The following KBTBD2 variants were observed in gnomAD, a reference collection of about 807,000 sequenced individuals.
The protein encoded by KBTBD2 is kelch repeat and BTB domain containing 2.
In KBTBD2, 17 loss-of-function variants were observed where a neutral mutation model predicts 57.1. That is an observed-to-expected ratio of 0.30 (90% CI 0.20 to 0.45). KBTBD2 has a LOEUF of 0.45. KBTBD2 is among the 20% of genes least tolerant of loss of function. The pLI, the probability that KBTBD2 is intolerant of heterozygous loss-of-function variation, is 1.00. For synonymous variants in KBTBD2, 267 were observed against 262.7 expected (o/e 1.02, Z -0.16); for missense variants, 515 against 750.6 (o/e 0.69, Z 3.67).
At chr7:32,880,362 T>A (rs937935759) in intron 1 of KBTBD2, among the ~76,000 whole-genome samples, 1 of 152,166 alleles carries the variant, frequency 6.6e-6, no homozygotes, top group African/African-American at 2.4e-5. Context: ...CAGAGATTTC[T>A]CGTTCTCCGA....
At chr7:32,878,802 C>A (rs1487558495) in intron 2 of KBTBD2, among the ~76,000 whole-genome samples, 1 of 152,088 alleles carries the variant, frequency 6.6e-6, no homozygotes, top group African/African-American at 2.4e-5. Flanking sequence ...AGGAAACGTA[C>A]AACAAAGACG....
At chr7:32,885,650 T>A (rs931602165) in intron 1 of KBTBD2, among the ~76,000 whole-genome samples, 8 of 152,106 alleles carry the variant, frequency 5.3e-5, no homozygotes, top group Admixed American at 3.3e-4. Flanking sequence ...ACACTGATCA[T>A]TAGAATATAT....
At chr7:32,885,698 T>C (rs755431339) in intron 1 of KBTBD2, among the ~76,000 whole-genome samples, 10 of 152,200 alleles carry the variant, frequency 6.6e-5, no homozygotes, top group Non-Finnish European at 1.2e-4. Context: ...AAGAATTAAA[T>C]TGGAGTCATG....
Position 32,879,757 on chromosome 7 carries a change from T to C in KBTBD2, c.-153A>G. On this transcript the variant is annotated 5_prime_UTR_variant, in exon 2 of 4. Coordinates refer to ENST00000304056, the MANE Select transcript of KBTBD2 (RefSeq NM_015483.3). ...CTGACACATTCACTAATGAGTAATA[T>C]CTTGTTACACAGACTTAGAATCACT... is the stretch of plus-strand genomic sequence containing the variant. 1.6e-6 allele frequency: 1 copy of C among 625,612 alleles called. No individual in the cohort carries two copies. The highest frequency in any genetic ancestry group is 2.8e-6 in the Non-Finnish European group (1 of 358,440). The allele number at this position is 625,612 out of a possible 1,614,324, so 38.8% of individuals were successfully genotyped here.
In KBTBD2 at chr7:32,870,697, G is replaced by A. The variant is rs761645616; in HGVS notation, c.520C>T (p.His174Tyr). 1.9e-6 allele frequency: 3 copies of A among 1,614,152 alleles called. No individual in the cohort carries two copies. The African/African-American group carries it at 4.0e-5, about 22-fold the overall frequency. Residue 174 changes from histidine (H) to tyrosine (Y), a missense_variant, in exon 4 of 4, where the codon CAT (histidine) becomes TAT (tyrosine). Physicochemically the swap from His to Tyr is moderately conservative, Grantham distance 83. Coordinates refer to ENST00000304056, the MANE Select transcript of KBTBD2 (RefSeq NM_015483.3). ...YHQDAFMQLS[H>Y]DLLIDILSSD... ...CTGAGAATATCTATCAGTAGGTCAT[G>A]TGACAGCTGCATGAACGCGTCCTGA... is the stretch of plus-strand genomic sequence containing the variant.
chr7:32,880,069 G>A (rs1194302012), intron 1 of KBTBD2, 127 bp from the exon 2 acceptor site: 1 of 152,136 alleles, frequency 6.6e-6, no homozygotes, highest in Non-Finnish European at 1.5e-5. Flanking sequence ...TACCATAAAA[G>A]TGAAACATGA....
At chr7:32,884,026 T>C (rs929141239) in intron 1 of KBTBD2, among the ~76,000 whole-genome samples, 2 of 152,174 alleles carry the variant, frequency 1.3e-5, no homozygotes, top group African/African-American at 4.8e-5. Flanking sequence ...AAACTTTTAA[T>C]AGAGACATGA....
intron 2 of KBTBD2, among the ~76,000 whole-genome samples, chr7:32,878,517 T>A (rs1320467348): frequency 6.6e-6 from 1 of 151,672 alleles, no homozygotes; most frequent in African/African-American, 2.4e-5. Context: ...GAGGCAGAGG[T>A]TGCAGTGAGC....
At chr7:32,875,375 G>A (rs1324215854) in intron 2 of KBTBD2, among the ~76,000 whole-genome samples, 2 of 152,052 alleles carry the variant, frequency 1.3e-5, no homozygotes, top group South Asian at 2.1e-4. Flanking sequence ...GTGCTCAAAC[G>A]ATTCTCCTCA....
chr7:32,889,332 G>A (rs1784669866), intron 1 of KBTBD2, among the ~76,000 whole-genome samples: 1 of 151,362 alleles, frequency 6.6e-6, no homozygotes, highest in African/African-American at 2.4e-5. Context: ...GCCGTCTGCG[G>A]TAGCTCACGC....
At position 32,879,599 on chromosome 7, in the gene KBTBD2, G is replaced by A; in HGVS notation, c.6C>T (p.Ser2=). Residue 2 remains serine, a synonymous_variant, in exon 2 of 4, where the codon TCC becomes TCT. Transcript: ENST00000304056. ...TATTGATCTGCCTCTCGTCTTGAGT[G>A]GACATGACTGTATTCCATTAATATC... M[S]TQDERQINTE... 1 of 1,612,088 alleles carries A rather than the reference G, an allele frequency of 6.2e-7. No homozygotes were observed.
Position 32,870,139 on chromosome 7 carries a change from A to T in KBTBD2, c.1078T>A (p.Trp360Arg). ...FYWFDAQQNT[W>R]FPKTPMLFVR... ...AAAAGCATTGGGGTCTTTGGAAACC[A>T]GGTATTTTGCTGTGCATCAAACCAA... The change falls in exon 4 of 4, where the codon TGG (tryptophan) becomes AGG (arginine). Residue 360 changes from tryptophan to arginine, a missense_variant. By Grantham distance (101) the Trp-to-Arg change is moderately radical. Coordinates refer to ENST00000304056, the MANE Select transcript of KBTBD2 (RefSeq NM_015483.3). 6.2e-7 allele frequency: 1 copy of T among 1,614,236 alleles called. No individual in the cohort carries two copies. Among genetic ancestry groups the T allele is most frequent in the Non-Finnish European group, 8.5e-7 (1 of 1,180,030 alleles).
chr7:32,884,284 G>A (rs941964104), intron 1 of KBTBD2, among the ~76,000 whole-genome samples: 2 of 151,950 alleles, frequency 1.3e-5, no homozygotes, highest in Non-Finnish European at 2.9e-5. Flanking sequence ...AGGCCAAGGC[G>A]AGAGGGTACC....
At chr7:32,877,994 C>T (rs1401582451) in intron 2 of KBTBD2, among the ~76,000 whole-genome samples, 1 of 151,770 alleles carries the variant, frequency 6.6e-6, no homozygotes, top group African/African-American at 2.4e-5. Flanking sequence ...TGCCTGTAAT[C>T]CCAGCTACTT....
At chr7:32,874,026 G>A (rs1371020594) in intron 3 of KBTBD2, among the ~76,000 whole-genome samples, 1 of 152,170 alleles carries the variant, frequency 6.6e-6, no homozygotes, top group Non-Finnish European at 1.5e-5. Flanking sequence ...GCTTTGAGAA[G>A]CCAATGCAGG....
At chr7:32,884,768 A>G (rs1784526834) in intron 1 of KBTBD2, among the ~76,000 whole-genome samples, 1 of 151,834 alleles carries the variant, frequency 6.6e-6, no homozygotes, top group Admixed American at 6.6e-5. Flanking sequence ...AACAAAGACA[A>G]AATATTTTAG....
intron 3 of KBTBD2, among the ~76,000 whole-genome samples, chr7:32,874,174 TG>T (rs1460072330): frequency 6.6e-6 from 1 of 151,832 alleles, no homozygotes; most frequent in Non-Finnish European, 1.5e-5. Context: ...CCAAGGTGGG[TG>T]GATCACGAGG....
At chr7:32,883,265 C>T (rs377562601) in intron 1 of KBTBD2, among the ~76,000 whole-genome samples, 1 of 152,050 alleles carries the variant, frequency 6.6e-6, no homozygotes, top group African/African-American at 2.4e-5. Context: ...GTAATACTAG[C>T]TACTCTGGAG....
At chr7:32,891,445 C>T (rs1282172856) in intron 1 of KBTBD2, 91 bp downstream of exon 1, 1 of 150,812 alleles carries the variant, frequency 6.6e-6, no homozygotes, top group Admixed American at 6.6e-5. Flanking sequence ...CACAAAGGGC[C>T]GAGCCCCCTC....
Sources: allele counts gnomAD v4.1 joint callset (sites outside exome capture counted in the v4.1 genomes callset), GRCh38; gene constraint gnomAD v4.1.1; transcripts MANE v1.5; gene names NCBI Gene and HGNC (gene_info 2026-07-23, HGNC 2026-07-21).